Variants in CCDC148 observed in about 807,000 individuals in gnomAD.
CCDC148 encodes coiled-coil domain-containing protein 148.
CCDC148 carries 89 observed loss-of-function variants against 85.7 expected under a neutral mutation model. The ratio of observed to expected loss-of-function variants is 1.04; its 90% CI spans 0.87 to 1.24. The LOEUF (loss-of-function observed/expected upper bound fraction) is 1.24, where lower values mean the gene tolerates loss of function less well. CCDC148 is among the 50% of genes most tolerant of loss of function. CCDC148 has a pLI of 0.00. For synonymous variants in CCDC148, 230 were observed against 213.9 expected (o/e 1.08, Z -0.66); for missense variants, 692 against 671.7 (o/e 1.03, Z -0.33).
chr2:158,350,861 T>C (rs2105255795), intron 2 of CCDC148, among the ~76,000 whole-genome samples: 1 of 152,300 alleles, frequency 6.6e-6, no homozygotes, highest in South Asian at 2.1e-4. Flanking sequence ...TGCACGGCCA[T>C]CGTCGTGTGC....
intron 1 of CCDC148, among the ~76,000 whole-genome samples, chr2:158,438,867 A>G (rs1687797302): frequency 1.3e-5 from 2 of 152,226 alleles, no homozygotes; most frequent in Non-Finnish European, 2.9e-5. Context: ...CAACAGACAC[A>G]TGAAAAAATG....
intron 2 of CCDC148, among the ~76,000 whole-genome samples, chr2:158,347,474 C>A (rs191845294): frequency 3.1e-4 from 47 of 151,580 alleles, no homozygotes; most frequent in African/African-American, 1.1e-3. Flanking sequence ...TTAAAAATAA[C>A]AAAAAGATTT....
chr2:158,365,564 C>A (rs538847923), intron 1 of CCDC148, among the ~76,000 whole-genome samples: 2 of 152,206 alleles, frequency 1.3e-5, no homozygotes, highest in African/African-American at 4.8e-5. Context: ...GAACAGCAAA[C>A]CAAACACAGC....
chr2:158,179,987 A>G (rs1684811939), intron 11 of CCDC148, among the ~76,000 whole-genome samples: 2 of 152,160 alleles, frequency 1.3e-5, no homozygotes, highest in South Asian at 4.1e-4. Flanking sequence ...TTTTTTGGGC[A>G]GCCTCCCTTG....
At chr2:158,177,412 G>T (rs1370301522) in intron 12 of CCDC148, among the ~76,000 whole-genome samples, 1 of 152,086 alleles carries the variant, frequency 6.6e-6, no homozygotes, top group Non-Finnish European at 1.5e-5. Flanking sequence ...TTTAAAGACT[G>T]TAATAAAATA....
chr2:158,310,137 C>G (rs1015365353), intron 8 of CCDC148, among the ~76,000 whole-genome samples: 1 of 152,108 alleles, frequency 6.6e-6, no homozygotes, highest in Non-Finnish European at 1.5e-5. Flanking sequence ...TTAAGGAGCA[C>G]GCTGCCTTCA....
At chr2:158,294,782 C>T in intron 9 of CCDC148, among the ~76,000 whole-genome samples, 1 of 147,576 alleles carries the variant, frequency 6.8e-6, no homozygotes, top group East Asian at 2.0e-4. Flanking sequence ...TGGGATCTCA[C>T]CACTGCACTC....
At chr2:158,447,136 T>C (rs1005710828) in intron 1 of CCDC148, 1 of 152,230 alleles carries the variant, frequency 6.6e-6, no homozygotes, top group African/African-American at 2.4e-5. Flanking sequence ...TATAAGTTTA[T>C]ATTTATATAT....
rs559876468 is a variant in CCDC148, at chr2:158,229,547, C to T, written c.1252-8834G>A. On this transcript the variant is annotated intron_variant, in intron 10 of 13. Coordinates refer to ENST00000283233, the MANE Select transcript of CCDC148 (RefSeq NM_138803.4). The stretch of plus-strand genomic sequence containing the variant: ...AGTTTCTCATAGTGATATTCTAAAA[C>T]CTGTTCACTATGTTCAGCTCCATAC... Among the ~76,000 whole-genome samples the T allele has an allele frequency of 1.3e-4, 20 of 152,324 alleles. No homozygotes were observed. In the South Asian group the frequency reaches 3.9e-3, roughly 30 times the overall value.
intron 9 of CCDC148, among the ~76,000 whole-genome samples, chr2:158,288,049 G>C (rs927374466): frequency 2.6e-5 from 4 of 152,176 alleles, no homozygotes; most frequent in African/African-American, 9.7e-5. Flanking sequence ...CTTGGGGCTT[G>C]CACCCTCTGT....
chr2:158,334,611 G>A (rs1203004927), intron 7 of CCDC148, among the ~76,000 whole-genome samples: 1 of 147,694 alleles, frequency 6.8e-6, no homozygotes, highest in Non-Finnish European at 1.5e-5. Flanking sequence ...ATAGAATGAA[G>A]AGACCTAACC....
intron 1 of CCDC148, among the ~76,000 whole-genome samples, chr2:158,413,106 T>C (rs1393530241): frequency 6.6e-6 from 1 of 152,138 alleles, no homozygotes; most frequent in East Asian, 1.9e-4. Context: ...ACAGAAAGTA[T>C]TTGTAGAAAA....
intron 1 of CCDC148, among the ~76,000 whole-genome samples, chr2:158,396,391 T>A (rs1313818253): frequency 6.6e-6 from 1 of 151,994 alleles, no homozygotes; most frequent in Non-Finnish European, 1.5e-5. Context: ...ACCCCAACAC[T>A]GAGGAAGAAT....
Position 158,372,244 on chromosome 2 carries a change from T to C in CCDC148, c.26-13674A>G, listed in dbSNP as rs529815826. The stretch of plus-strand genomic sequence containing the variant: ...AAAATGGGAATTTTCCAGAATTTTT[T>C]TGGGGCGGGGGGAAAGGACAAATTC... On this transcript the variant is annotated intron_variant, in intron 1 of 13. Coordinates refer to ENST00000283233, the MANE Select transcript of CCDC148 (RefSeq NM_138803.4). 3.3e-5 allele frequency among the ~76,000 whole-genome samples: 5 copies of C among 152,144 alleles called. No homozygotes were observed. In the East Asian group the frequency reaches 7.7e-4, roughly 24 times the overall value.
intron 7 of CCDC148, among the ~76,000 whole-genome samples, chr2:158,332,653 C>T (rs146329239): frequency 0.015 from 2,321 of 151,672 alleles, 27 homozygotes; most frequent in African/African-American, 0.034. Flanking sequence ...GCTGTGAATC[C>T]ATCTGGTCCT....
chr2:158,236,463 T>C (rs564286864), intron 10 of CCDC148, among the ~76,000 whole-genome samples: 2 of 152,282 alleles, frequency 1.3e-5, no homozygotes, highest in South Asian at 4.1e-4. Flanking sequence ...TGAATTTGCC[T>C]GTAATCCTGT....
intron 2 of CCDC148, among the ~76,000 whole-genome samples, chr2:158,346,132 G>C (rs180853079): frequency 3.8e-4 from 58 of 152,292 alleles, no homozygotes; most frequent in African/African-American, 1.4e-3. Flanking sequence ...CCCTGGATCT[G>C]TTTGTCTTAG....
At chr2:158,226,164 A>G (rs1159879872) in intron 10 of CCDC148, among the ~76,000 whole-genome samples, 4 of 152,236 alleles carry the variant, frequency 2.6e-5, no homozygotes, top group Non-Finnish European at 5.9e-5. Flanking sequence ...CCATCAGAGA[A>G]TACTATGAAC....
At chr2:158,276,060 C>T (rs952546785) in intron 9 of CCDC148, among the ~76,000 whole-genome samples, 1 of 152,072 alleles carries the variant, frequency 6.6e-6, no homozygotes, top group East Asian at 1.9e-4. Flanking sequence ...ATATGTGGTT[C>T]TAAGTTATTT....
Sources: allele counts gnomAD v4.1 joint callset (sites outside exome capture counted in the v4.1 genomes callset), GRCh38; gene constraint gnomAD v4.1.1; transcripts MANE v1.5; gene names NCBI Gene and HGNC (gene_info 2026-07-23, HGNC 2026-07-21).